The following SUCO variants were observed in gnomAD, a reference collection of about 807,000 sequenced individuals.
SUCO encodes SUN domain-containing ossification factor.
SUCO carries 57 observed loss-of-function variants against 148.1 expected under a neutral mutation model. That is an observed-to-expected ratio of 0.38 (90% CI 0.31 to 0.48). SUCO has a LOEUF of 0.48. Among genes scored for constraint, SUCO ranks in the 20% least tolerant of loss-of-function variants. SUCO has a pLI of 0.96. For synonymous variants in SUCO, 470 were observed against 502.7 expected (o/e 0.93, Z 0.87); for missense variants, 1,331 against 1,468.2 (o/e 0.91, Z 1.53).
At chr1:172,577,140 A>AC in intron 11 of SUCO, 1 of 316,738 alleles carries the variant, frequency 3.2e-6, no homozygotes, top group Non-Finnish European at 4.6e-6. Flanking sequence ...CATATATATC[A>AC]ATATATAAAT....
chr1:172,602,812 T>C (rs1657617918), intron 22 of SUCO, 25 bp downstream of exon 22: 2 of 1,526,116 alleles, frequency 1.3e-6, no homozygotes, highest in African/African-American at 1.4e-5. Flanking sequence ...ATATATAATA[T>C]GTATATATAA....
chr1:172,600,174 T>A lies in SUCO; in HGVS notation c.3018+6T>A. 1 of 1,594,832 alleles carries A rather than the reference T, an allele frequency of 6.3e-7. No homozygotes were observed. ...TAGCAGAATTGAAACGGGAGGTAAT[T>A]GTTATTGCTGGTATTGCGAGACCCA... On this transcript the variant is annotated splice_donor_region_variant and intron_variant, in intron 20 of 23. Coordinates refer to ENST00000263688, the MANE Select transcript of SUCO (RefSeq NM_014283.5).
chr1:172,600,035 TC>T lies in SUCO; in HGVS notation c.2914-28del, dbSNP rs774400156. 8 of 1,459,458 alleles carry T rather than the reference TC, an allele frequency of 5.5e-6. No individual in the cohort carries two copies. In the African/African-American group the frequency reaches 1.0e-4, roughly 19 times the overall value. The allele number at this position is 1,459,458 out of a possible 1,614,324, so 90.4% of individuals were successfully genotyped here. On this transcript the variant is annotated intron_variant, in intron 19 of 23. Coordinates refer to ENST00000263688, the MANE Select transcript of SUCO (RefSeq NM_014283.5). ...AATGTTAATAGTTTGTAGTTAATAT[TC>T]AAAAAAAAATAAATTCCTTTATCAT...
chr1:172,556,035 CA>C lies in SUCO; in HGVS notation c.443+18del. The C allele has an allele frequency of 6.3e-7, 1 of 1,590,618 alleles. No homozygotes were observed. The highest frequency in any genetic ancestry group is 8.6e-7 in the Non-Finnish European group (1 of 1,166,398). On this transcript the variant is annotated intron_variant, in intron 4 of 23. Coordinates refer to ENST00000263688, the MANE Select transcript of SUCO (RefSeq NM_014283.5). Reference sequence around the variant, plus strand: ...ATCTCAAAGCTTGAGTAAGTTGTTACAAAAAACAAACACAAAAAAGAATCTC... The same window carrying C: ...ATCTCAAAGCTTGAGTAAGTTGTTACAAAAACAAACACAAAAAAGAATCTC...
chr1:172,552,908 G>A lies in SUCO; in HGVS notation c.178-352G>A, dbSNP rs148556340. Among the ~76,000 whole-genome samples the A allele has an allele frequency of 5.0e-3, 766 of 152,122 alleles. 1 individual carries two copies. The highest frequency in any genetic ancestry group is 9.3e-3 in the Non-Finnish European group (629 of 67,888). ...ATAAAGGTATTAGAAATTCTAACTT[G>A]AATGTATGTCAAAAAAGAGATGAAA... On this transcript the variant is annotated intron_variant, in intron 2 of 23. Coordinates refer to ENST00000263688, the MANE Select transcript of SUCO (RefSeq NM_014283.5).
chr1:172,609,664 GAACATAAC>G lies in SUCO; in HGVS notation c.3322-149_3322-142del. On this transcript the variant is annotated intron_variant, in intron 23 of 23. Coordinates refer to ENST00000263688, the MANE Select transcript of SUCO (RefSeq NM_014283.5). Reference sequence around the variant, plus strand: ...GGAAGATGATGCTAGTATCTATATAGAACATAACAATGTATGTGTTCTGTGCTGTTTAT... The same window carrying G: ...GGAAGATGATGCTAGTATCTATATAGAATGTATGTGTTCTGTGCTGTTTAT... 2.1e-6 allele frequency: 3 copies of G among 1,442,414 alleles called. No homozygotes were observed. The South Asian group carries it at 4.7e-5, about 22-fold the overall frequency. The allele number at this position is 1,442,414 out of a possible 1,614,324, so 89.4% of individuals were successfully genotyped here.
At chr1:172,537,281 GA>G (rs897836786) in intron 1 of SUCO, among the ~76,000 whole-genome samples, 2 of 151,870 alleles carry the variant, frequency 1.3e-5, no homozygotes, top group African/African-American at 4.8e-5. Flanking sequence ...AGAAAAATGA[GA>G]AAAAAATAAT....
At chr1:172,533,099 G>A, upstream of SUCO, 1 of 1,429,204 alleles carries the variant, frequency 7.0e-7, no homozygotes, top group East Asian at 2.6e-5. Context: ...GTACGCGGCG[G>A]CCGTTGGTCG....
intron 2 of SUCO, 169 bp downstream of exon 2, chr1:172,551,795 A>G (rs1653322029): frequency 1.8e-6 from 1 of 550,786 alleles, no homozygotes. Context: ...CGGCTCAGAG[A>G]TATTTATATG....
At chr1:172,598,929 T>G (rs1166426761) in intron 19 of SUCO, among the ~76,000 whole-genome samples, 2 of 152,162 alleles carry the variant, frequency 1.3e-5, no homozygotes, top group African/African-American at 4.8e-5. Context: ...TTGTTACAGT[T>G]TTATACACCC....
chr1:172,580,637 C>G (rs2149254144), intron 15 of SUCO, among the ~76,000 whole-genome samples: 1 of 152,126 alleles, frequency 6.6e-6, no homozygotes, highest in East Asian at 1.9e-4. Flanking sequence ...TTTATGGGGT[C>G]AGAAAATAGC....
At chr1:172,566,404 T>C (rs1405071021) in intron 6 of SUCO, among the ~76,000 whole-genome samples, 1 of 152,200 alleles carries the variant, frequency 6.6e-6, no homozygotes, top group Non-Finnish European at 1.5e-5. Flanking sequence ...GTCACTGCCA[T>C]CTCTGCTTTC....
chr1:172,591,824 T>A (rs180932212), intron 19 of SUCO, among the ~76,000 whole-genome samples: 1 of 152,336 alleles, frequency 6.6e-6, no homozygotes, highest in East Asian at 1.9e-4. Flanking sequence ...CAAATGGTAT[T>A]TCTAGTTCTA....
At chr1:172,543,416 A>T (rs1652633595) in intron 1 of SUCO, among the ~76,000 whole-genome samples, 1 of 152,162 alleles carries the variant, frequency 6.6e-6, no homozygotes, top group South Asian at 2.1e-4. Flanking sequence ...ATTTCTGAAA[A>T]TATATTATTA....
At chr1:172,569,640 G>C (rs1268840322) in intron 7 of SUCO, among the ~76,000 whole-genome samples, 4 of 151,870 alleles carry the variant, frequency 2.6e-5, no homozygotes, top group African/African-American at 9.7e-5. Flanking sequence ...CACCACCATG[G>C]CACATGTTTA....
At chr1:172,609,273 T>G in intron 23 of SUCO, 1 of 985,020 alleles carries the variant, frequency 1.0e-6, no homozygotes, top group Non-Finnish European at 1.2e-6. Flanking sequence ...TTTTTTGGCT[T>G]CAAAGTCTTT....
intron 6 of SUCO, among the ~76,000 whole-genome samples, chr1:172,563,265 G>A (rs891115939): frequency 4.6e-5 from 7 of 152,214 alleles, no homozygotes; most frequent in South Asian, 2.1e-4. Flanking sequence ...GCAGAGGTTG[G>A]ACAGTTTGGA....
intron 1 of SUCO, among the ~76,000 whole-genome samples, chr1:172,535,278 C>A (rs1651924916): frequency 6.6e-6 from 1 of 152,126 alleles, no homozygotes; most frequent in South Asian, 2.1e-4. Flanking sequence ...TTTTAAGAAA[C>A]TTTAGCTTAA....
intron 13 of SUCO, among the ~76,000 whole-genome samples, 187 bp downstream of exon 13, chr1:172,578,006 C>T (rs1050841209): frequency 2.0e-5 from 3 of 151,218 alleles, no homozygotes; most frequent in Non-Finnish European, 4.4e-5. Context: ...AAAAAAAAAC[C>T]TCATTTTGTA....
Sources: gnomAD v4.1 joint callset for allele counts (sites outside exome capture counted in the v4.1 genomes callset) on GRCh38, gnomAD v4.1.1 for gene constraint, MANE v1.5 for transcripts, NCBI Gene and HGNC (gene_info 2026-07-23, HGNC 2026-07-21) for gene names.